Variants in KCND2 observed in about 807,000 individuals in gnomAD.
KCND2 encodes A-type voltage-gated potassium channel KCND2.
KCND2 carries 16 observed loss-of-function variants against 54.4 expected under a neutral mutation model. That is an observed-to-expected ratio of 0.29 (90% CI 0.20 to 0.45). The LOEUF (loss-of-function observed/expected upper bound fraction) is 0.45, where lower values mean the gene tolerates loss of function less well. Ranked by LOEUF, KCND2 falls within the 20% of genes least tolerant of loss-of-function variation. The probability of loss-of-function intolerance (pLI) is 1.00; values close to 1 mark genes in which losing one functional copy is unlikely to be tolerated. For missense variants in KCND2, 486 were observed against 824.2 expected (o/e 0.59, Z 5.02); for synonymous variants, 317 against 310.7 (o/e 1.02, Z -0.21).
chr7:120,515,202 C>T (rs1490553832), intron 1 of KCND2, among the ~76,000 whole-genome samples: 1 of 151,990 alleles, frequency 6.6e-6, no homozygotes, highest in Non-Finnish European at 1.5e-5. Flanking sequence ...CTGCTTCTGC[C>T]ACTTCCTCTT....
At chr7:120,519,493 T>C (rs961503032) in intron 1 of KCND2, among the ~76,000 whole-genome samples, 2 of 152,160 alleles carry the variant, frequency 1.3e-5, no homozygotes, top group African/African-American at 4.8e-5. Flanking sequence ...GAGCAGATTC[T>C]TCTCTAGCAT....
At chr7:120,385,483 C>G (rs2116038161) in intron 1 of KCND2, among the ~76,000 whole-genome samples, 1 of 152,138 alleles carries the variant, frequency 6.6e-6, no homozygotes, top group Middle Eastern at 3.4e-3. Flanking sequence ...TCCATGTTTA[C>G]CCCCAACGTA....
In KCND2 at chr7:120,741,596, C is replaced by A. The variant is rs1011490341; in HGVS notation, c.1341C>A (p.Ser447Arg). 3 of 1,612,688 alleles carry A rather than the reference C, an allele frequency of 1.9e-6. No individual in the cohort carries two copies. The African/African-American group carries it at 4.0e-5, about 22-fold the overall frequency. ...GAAGCGCAAATGCTTACATGCAGAG[C>A]AAACGGAATGGTTTACTCAGTAATC... Reference protein sequence around the residue: ...KSGSANAYMQSKRNGLLSNQL... With the variant: ...KSGSANAYMQRKRNGLLSNQL... The change falls in exon 3 of 6, where the codon AGC (serine) becomes AGA (arginine). Residue 447 changes from serine to arginine, a missense_variant. By Grantham distance (110) the Ser-to-Arg change is moderately radical. Transcript: ENST00000331113.
At chr7:120,566,995 CTG>C (rs879385948) in intron 1 of KCND2, among the ~76,000 whole-genome samples, 30 of 151,958 alleles carry the variant, frequency 2.0e-4, no homozygotes, top group Admixed American at 3.3e-4. Flanking sequence ...AACATTTTGT[CTG>C]TGTATAAACC....
intron 1 of KCND2, among the ~76,000 whole-genome samples, chr7:120,446,291 G>C (rs1232891305): frequency 6.6e-6 from 1 of 152,116 alleles, no homozygotes; most frequent in Non-Finnish European, 1.5e-5. Context: ...TGTTGAATTT[G>C]ATCTTTAAAT....
intron 1 of KCND2, among the ~76,000 whole-genome samples, chr7:120,728,746 AT>A (rs1175106365): frequency 6.6e-6 from 1 of 152,070 alleles, no homozygotes; most frequent in Admixed American, 6.5e-5. Flanking sequence ...TTGGGAAATG[AT>A]TTTTCAACGA....
chr7:120,558,562 T>A (rs1432696514), intron 1 of KCND2, among the ~76,000 whole-genome samples: 1 of 152,182 alleles, frequency 6.6e-6, no homozygotes, highest in African/African-American at 2.4e-5. Context: ...ATCTGTAGGA[T>A]GTATGTGAAC....
chr7:120,312,802 A>G (rs930016799), intron 1 of KCND2, among the ~76,000 whole-genome samples: 8 of 152,168 alleles, frequency 5.3e-5, no homozygotes, highest in African/African-American at 1.9e-4. Context: ...TAGCCACAAA[A>G]TAAGTTGGAT....
At chr7:120,638,923 G>A (rs959926097) in intron 1 of KCND2, among the ~76,000 whole-genome samples, 4 of 152,072 alleles carry the variant, frequency 2.6e-5, no homozygotes, top group Non-Finnish European at 5.9e-5. Flanking sequence ...TGTGGAGAGA[G>A]AGAAACTTTT....
rs180952916 is a variant in KCND2 at position 120,670,786 on chromosome 7, G to A, written c.1116-62117G>A. Among the ~76,000 whole-genome samples, 369 of 151,878 alleles carry A rather than the reference G, an allele frequency of 2.4e-3. 1 individual carries two copies. The highest frequency in any genetic ancestry group is 8.3e-3 in the African/African-American group (343 of 41,478). ...AAAAAATTCGCCAGGCGTGGTGGCG[G>A]GTGCCTGTAGTCCCAGCTACTCGAG... On this transcript the variant is annotated intron_variant, in intron 1 of 5. Transcript: ENST00000331113.
chr7:120,702,811 C>T (rs1019312975), intron 1 of KCND2, among the ~76,000 whole-genome samples: 4 of 151,932 alleles, frequency 2.6e-5, no homozygotes, highest in Non-Finnish European at 5.9e-5. Flanking sequence ...GGGAGAAGAT[C>T]AGAAAAAGTA....
At chr7:120,442,514 T>C (rs918202123) in intron 1 of KCND2, among the ~76,000 whole-genome samples, 2 of 151,684 alleles carry the variant, frequency 1.3e-5, no homozygotes, top group Admixed American at 1.3e-4. Context: ...AGTGGTGACC[T>C]AAAAGTCAAC....
At chr7:120,609,675 T>A (rs1361072471) in intron 1 of KCND2, among the ~76,000 whole-genome samples, 2 of 152,178 alleles carry the variant, frequency 1.3e-5, no homozygotes, top group African/African-American at 4.8e-5. Flanking sequence ...GCCTATCTGT[T>A]TTTTGTTTAA....
intron 1 of KCND2, among the ~76,000 whole-genome samples, chr7:120,290,092 T>G (rs1241825078): frequency 6.6e-6 from 1 of 152,088 alleles, no homozygotes; most frequent in Non-Finnish European, 1.5e-5. Flanking sequence ...AGCTTCACAC[T>G]TTAGTTAAAA....
In KCND2 at chr7:120,324,393, G is replaced by T. The variant is rs1799942668; in HGVS notation, c.1115+48646G>T. On this transcript the variant is annotated intron_variant, in intron 1 of 5. Coordinates refer to ENST00000331113, the MANE Select transcript of KCND2 (RefSeq NM_012281.3). ...CTTGCCCATGCCTATGTCCTGAATG[G>T]TAATGCCTAGGTTTTCTTCTAGGGT... Among the ~76,000 whole-genome samples, 3 of 144,518 alleles carry T rather than the reference G, an allele frequency of 2.1e-5. 1 individual carries two copies. The highest frequency in any genetic ancestry group is 1.4e-4 in the Admixed American group (2 of 14,362). The allele number at this position is 144,518 out of a possible 152,430, so 94.8% of individuals were successfully genotyped here. A position where few individuals can be genotyped will look rare whatever the true frequency, so the allele number is the denominator to read the frequency against.
intron 1 of KCND2, among the ~76,000 whole-genome samples, chr7:120,542,219 C>A (rs1017687509): frequency 2.0e-5 from 3 of 152,028 alleles, no homozygotes; most frequent in South Asian, 4.2e-4. Flanking sequence ...GGATTAGATT[C>A]AAATGTATTG....
At chr7:120,607,539 C>T (rs1325620512) in intron 1 of KCND2, among the ~76,000 whole-genome samples, 2 of 152,056 alleles carry the variant, frequency 1.3e-5, no homozygotes, top group African/African-American at 4.8e-5. Flanking sequence ...GTACATACAC[C>T]ATCAAATGTA....
At chr7:120,311,479 C>T (rs1799735281) in intron 1 of KCND2, among the ~76,000 whole-genome samples, 1 of 152,104 alleles carries the variant, frequency 6.6e-6, no homozygotes, top group Admixed American at 6.5e-5. Flanking sequence ...GGAGTGAGCC[C>T]AGAGTTTGCA....
rs529440184 is a variant in KCND2 at position 120,724,616 on chromosome 7, T to G, written c.1116-8287T>G. The stretch of plus-strand genomic sequence containing the variant: ...AAAGAGCTTGGCTCTTTCCTGCAGG[T>G]GATGGAGAGACACTGAAGGCTTTTA... On this transcript the variant is annotated intron_variant, in intron 1 of 5. Coordinates refer to ENST00000331113, the MANE Select transcript of KCND2 (RefSeq NM_012281.3). 9.5e-4 allele frequency among the ~76,000 whole-genome samples: 144 copies of G among 152,082 alleles called. 1 individual carries two copies. Among genetic ancestry groups the G allele is most frequent in the Non-Finnish European group, 1.8e-3 (123 of 67,972 alleles).
Sources: gnomAD v4.1 joint callset for allele counts (sites outside exome capture counted in the v4.1 genomes callset) on GRCh38, gnomAD v4.1.1 for gene constraint, MANE v1.5 for transcripts, NCBI Gene and HGNC (gene_info 2026-07-23, HGNC 2026-07-21) for gene names.